Variants in BICDL1 observed in about 807,000 individuals in gnomAD.
The protein encoded by BICDL1 is BICD family-like cargo adapter 1.
In BICDL1, 20 loss-of-function variants were observed where a neutral mutation model predicts 76.8. That is an observed-to-expected ratio of 0.26 (90% confidence interval 0.18 to 0.38). BICDL1 has a LOEUF of 0.38. Ranked by LOEUF, BICDL1 falls within the 10% of genes least tolerant of loss-of-function variation. The pLI is 1.00. For missense variants in BICDL1, 700 were observed against 798.6 expected (o/e 0.88, Z 1.49); for synonymous variants, 383 against 337.1 (o/e 1.14, Z -1.49).
At chr12:120,001,089 C>T (rs1462311428) in intron 2 of BICDL1, among the ~76,000 whole-genome samples, 2 of 151,592 alleles carry the variant, frequency 1.3e-5, no homozygotes, top group African/African-American at 2.4e-5. Flanking sequence ...TAGCTTTTTC[C>T]CTTTTTTCAA....
intron 2 of BICDL1, chr12:119,999,839 C>G: frequency 2.3e-6 from 1 of 432,098 alleles, no homozygotes; most frequent in Non-Finnish European, 4.5e-6. Flanking sequence ...CTTCAGTTAC[C>G]GGAGGAAAAA....
intron 2 of BICDL1, among the ~76,000 whole-genome samples, chr12:120,005,841 A>C (rs1459723366): frequency 6.6e-6 from 1 of 152,218 alleles, no homozygotes; most frequent in African/African-American, 2.4e-5. Flanking sequence ...TGTGTTGGTT[A>C]TAGTGATTTA....
rs778496938 is a variant in BICDL1, at chr12:120,081,011, T to C, written c.1577T>C (p.Ile526Thr). ...QKAIRDRDEAIAKKNAVELEL... is the reference protein window; with the variant it reads ...QKAIRDRDEATAKKNAVELEL... ...GCCATCAGGGACCGCGACGAGGCCA[T>C]TGCAAAGTGAGTAGGGATGGCTTCA... Residue 526 changes from isoleucine (I) to threonine (T), a missense_variant, in exon 8 of 10, where the codon ATT (isoleucine) becomes ACT (threonine). By Grantham distance (89) the Ile-to-Thr change is moderately conservative. Transcript: ENST00000548673. 9 of 1,613,188 alleles carry C rather than the reference T, an allele frequency of 5.6e-6. No individual in the cohort carries two copies. Among genetic ancestry groups the C allele is most frequent in the South Asian group, 3.3e-5 (3 of 91,064 alleles).
At chr12:120,067,622 C>G (rs1335020538) in intron 4 of BICDL1, among the ~76,000 whole-genome samples, 1 of 152,194 alleles carries the variant, frequency 6.6e-6, no homozygotes, top group Non-Finnish European at 1.5e-5. Flanking sequence ...GTGCAGACCT[C>G]TCCTGGTCTT....
chr12:120,082,584 T>G (rs1213917864), intron 8 of BICDL1, among the ~76,000 whole-genome samples: 1 of 148,464 alleles, frequency 6.7e-6, no homozygotes, highest in African/African-American at 2.5e-5. Flanking sequence ...GTTTTGTGTT[T>G]TTTTGTTTGT....
intron 6 of BICDL1, among the ~76,000 whole-genome samples, chr12:120,073,169 A>C (rs964800805): frequency 6.6e-6 from 1 of 152,170 alleles, no homozygotes; most frequent in Non-Finnish European, 1.5e-5. Context: ...CCACCACGCC[A>C]GGCCGTGAGC....
intron 2 of BICDL1, among the ~76,000 whole-genome samples, chr12:120,025,074 A>G (rs1170946613): frequency 1.6e-4 from 19 of 119,682 alleles, no homozygotes; most frequent in African/African-American, 6.0e-4. Flanking sequence ...TTTGAGACGG[A>G]GGAGTCTTTC....
Position 120,080,983 on chromosome 12 carries a change from A to G in BICDL1, c.1549A>G (p.Lys517Glu). ...CAAGGAGCCAAAGGAGCAGCTTCAG[A>G]AGGCCATCAGGGACCGCGACGAGGC... ...EDKEPKEQLQ[K>E]AIRDRDEAIA... The change falls in exon 8 of 10, where the codon AAG becomes GAG. Residue 517 changes from lysine (K) to glutamate (E), a missense_variant. Around this residue, in one of 3 missense-constraint regions of BICDL1, gnomAD observed 455 missense variants for 548.7 expected, o/e 0.83. Coordinates refer to ENST00000548673, the MANE Select transcript of BICDL1 (RefSeq NM_001367886.1). 6.2e-7 allele frequency: 1 copy of G among 1,613,908 alleles called. No homozygotes were observed. The highest frequency in any genetic ancestry group is 8.5e-7 in the Non-Finnish European group (1 of 1,179,958).
intron 2 of BICDL1, among the ~76,000 whole-genome samples, chr12:120,056,694 G>A (rs1055297082): frequency 1.3e-5 from 2 of 152,066 alleles, no homozygotes; most frequent in Non-Finnish European, 2.9e-5. Flanking sequence ...TCCAGCCTGG[G>A]TGACAGAGCG....
intron 6 of BICDL1, among the ~76,000 whole-genome samples, chr12:120,072,981 G>A (rs577837321): frequency 3.8e-4 from 58 of 152,210 alleles, no homozygotes; most frequent in African/African-American, 1.3e-3. Flanking sequence ...AGTGATTCTC[G>A]TGCCTCAGCT....
chr12:120,036,230 C>G (rs1395665856), intron 2 of BICDL1, among the ~76,000 whole-genome samples: 2 of 152,220 alleles, frequency 1.3e-5, no homozygotes, highest in Non-Finnish European at 2.9e-5. Context: ...ATATCTTTGA[C>G]AGCTTCTCCA....
chr12:120,035,797 A>G (rs965958050), intron 2 of BICDL1, among the ~76,000 whole-genome samples: 2 of 152,370 alleles, frequency 1.3e-5, no homozygotes, highest in East Asian at 1.9e-4. Context: ...ATTTCCCTCC[A>G]TAAGCACGAC....
At chr12:120,059,768 G>A (rs938573342) in intron 2 of BICDL1, among the ~76,000 whole-genome samples, 6 of 152,042 alleles carry the variant, frequency 3.9e-5, no homozygotes, top group Admixed American at 3.9e-4. Context: ...TAGTGCAGTG[G>A]CAGCACGATC....
At position 120,094,205 on chromosome 12, in the gene BICDL1, C is replaced by T. The variant is rs1161027265; in HGVS notation, c.*1044C>T. On this transcript the variant is annotated 3_prime_UTR_variant, in exon 10 of 10. Transcript: ENST00000548673. ...GCCGCCCCTCCTCCTCCACCCAGGC[C>T]CCAACTCAGAGGCTCCGCGGCCCGG... The T allele has an allele frequency of 2.2e-6, 1 of 455,932 alleles. No homozygotes were observed. The highest frequency in any genetic ancestry group is 2.0e-5 in the African/African-American group (1 of 50,150). The allele number at this position is 455,932 out of a possible 1,614,324, so 28.2% of individuals were successfully genotyped here.
chr12:120,081,454 G>A (rs1171938692), intron 8 of BICDL1, among the ~76,000 whole-genome samples: 2 of 149,608 alleles, frequency 1.3e-5, no homozygotes, highest in African/African-American at 2.5e-5. Context: ...GGGTTTAAGC[G>A]ATTCTCCTGT....
At chr12:120,009,736 T>A (rs558184192) in intron 2 of BICDL1, among the ~76,000 whole-genome samples, 1 of 152,344 alleles carries the variant, frequency 6.6e-6, no homozygotes, top group African/African-American at 2.4e-5. Flanking sequence ...ATATACTCTT[T>A]TGTTACTTAT....
At chr12:120,076,126 T>C (rs1441603970) in intron 7 of BICDL1, among the ~76,000 whole-genome samples, 4 of 152,208 alleles carry the variant, frequency 2.6e-5, no homozygotes, top group Non-Finnish European at 5.9e-5. Context: ...GCCACTACAC[T>C]TGAGCCTGGA....
intron 6 of BICDL1, 70 bp downstream of exon 6, chr12:120,072,799 T>C (rs1443583969): frequency 2.3e-6 from 3 of 1,290,548 alleles, no homozygotes; most frequent in East Asian, 2.4e-5. Context: ...ACCCAGTGCA[T>C]AGGGTGAGGT....
chr12:120,003,577 C>T (rs1261632276), intron 2 of BICDL1, among the ~76,000 whole-genome samples: 2 of 152,178 alleles, frequency 1.3e-5, no homozygotes, highest in African/African-American at 4.8e-5. Context: ...AGTGCTTTGA[C>T]AGGCAACCTA....
Sources: allele counts gnomAD v4.1 joint callset (sites outside exome capture counted in the v4.1 genomes callset), GRCh38; gene constraint gnomAD v4.1.1; regional missense constraint gnomAD v4.1.1; transcripts MANE v1.5; gene names NCBI Gene and HGNC (gene_info 2026-07-23, HGNC 2026-07-21).